PTPRM: variants seen among roughly 807,000 people sequenced by gnomAD.
PTPRM encodes protein tyrosine phosphatase receptor type M.
In PTPRM, 47 loss-of-function variants were observed where a neutral mutation model predicts 186.7. The ratio of observed to expected loss-of-function variants is 0.25; its 90% CI spans 0.20 to 0.32. The LOEUF is 0.32. Among genes scored for constraint, PTPRM ranks in the 10% least tolerant of loss-of-function variants. The pLI is 1.00. For synonymous variants in PTPRM, 668 were observed against 674.9 expected (o/e 0.99, Z 0.16); for missense variants, 1,494 against 1,865.0 (o/e 0.80, Z 3.66).
rs573256599 is a variant in PTPRM, at chr18:7,788,916, A to T, written c.196+14645A>T. 3.3e-5 allele frequency among the ~76,000 whole-genome samples: 5 copies of T among 152,334 alleles called. No individual in the cohort carries two copies. In the South Asian group the frequency reaches 1.0e-3, roughly 32 times the overall value. On this transcript the variant is annotated intron_variant, in intron 2 of 32. Coordinates refer to ENST00000580170, the MANE Select transcript of PTPRM (RefSeq NM_001105244.2). ...TATAGATAGTTAATATTTAAGCTTC[A>T]GGAAGGAGACCTAAGTGGGTGACCT...
At chr18:8,134,454 C>A (rs189276146) in intron 13 of PTPRM, among the ~76,000 whole-genome samples, 1 of 152,072 alleles carries the variant, frequency 6.6e-6, no homozygotes, top group African/African-American at 2.4e-5. Flanking sequence ...GATAAATGAC[C>A]CTAGTTCCTT....
intron 7 of PTPRM, among the ~76,000 whole-genome samples, chr18:8,014,688 G>T (rs561995939): frequency 2.6e-5 from 4 of 152,284 alleles, no homozygotes; most frequent in Non-Finnish European, 4.4e-5. Flanking sequence ...AAATTAACAA[G>T]AATAAATTAA....
chr18:8,022,998 G>A lies in PTPRM; in HGVS notation c.1133-46688G>A, dbSNP rs1291178462. 3.9e-5 allele frequency among the ~76,000 whole-genome samples: 6 copies of A among 152,128 alleles called. No homozygotes were observed. In the East Asian group the frequency reaches 5.8e-4, roughly 15 times the overall value. On this transcript the variant is annotated intron_variant, in intron 7 of 32. Transcript: ENST00000580170. ...GGTATCATCAATCTGATGTAGAAAC[G>A]TCCTCTTTATTCAGTCACCCGGTGG...
At chr18:7,746,053 A>G (rs1391306541) in intron 1 of PTPRM, among the ~76,000 whole-genome samples, 1 of 152,180 alleles carries the variant, frequency 6.6e-6, no homozygotes, top group Non-Finnish European at 1.5e-5. Flanking sequence ...AAAAGAGGAG[A>G]GAATAGGGGG....
chr18:8,005,747 A>C (rs1263418199), intron 7 of PTPRM, among the ~76,000 whole-genome samples: 1 of 152,120 alleles, frequency 6.6e-6, no homozygotes, highest in Non-Finnish European at 1.5e-5. Context: ...CTCTGATTAC[A>C]GTTCTCAAAG....
intron 2 of PTPRM, 47 bp downstream of exon 2, chr18:7,774,318 C>G: frequency 5.0e-6 from 8 of 1,593,562 alleles, no homozygotes; most frequent in Non-Finnish European, 6.9e-6. Flanking sequence ...ACACAAGAGT[C>G]TCAATCATAC....
chr18:8,376,704 A>T, intron 26 of PTPRM, 107 bp downstream of exon 26: 1 of 1,335,684 alleles, frequency 7.5e-7, no homozygotes, highest in Non-Finnish European at 1.0e-6. Context: ...TATCTGTTCA[A>T]GTGATCTACC....
chr18:7,583,049 C>T (rs1382306821), intron 1 of PTPRM, among the ~76,000 whole-genome samples: 1 of 152,224 alleles, frequency 6.6e-6, no homozygotes, highest in African/African-American at 2.4e-5. Flanking sequence ...AGAATAGCTG[C>T]TGTTATTGTT....
intron 19 of PTPRM, among the ~76,000 whole-genome samples, chr18:8,284,280 G>C (rs962309845): frequency 8.5e-5 from 13 of 152,130 alleles, no homozygotes; most frequent in Non-Finnish European, 1.8e-4. Flanking sequence ...AAACCTTGTA[G>C]TTCTAAATAA....
intron 19 of PTPRM, among the ~76,000 whole-genome samples, chr18:8,255,580 T>C (rs2094566825): frequency 6.6e-6 from 1 of 152,042 alleles, no homozygotes; most frequent in South Asian, 2.1e-4. Flanking sequence ...CAGAGAGGAC[T>C]GCCAAAAAGT....
rs572680953 is a variant in PTPRM, at chr18:7,746,462, CT to C, written c.74-27677del. Among the ~76,000 whole-genome samples, 760 of 148,886 alleles carry C rather than the reference CT, an allele frequency of 5.1e-3. 4 individuals are homozygous for C. The highest frequency in any genetic ancestry group is 9.3e-3 in the South Asian group (43 of 4,610). On this transcript the variant is annotated intron_variant, in intron 1 of 32. Coordinates refer to ENST00000580170, the MANE Select transcript of PTPRM (RefSeq NM_001105244.2). Reference sequence around the variant, plus strand: ...TAAATTTTTGTCAACCTAGTAAATTCTTTTTTTTTTCTTTTTTTCTTGAGAA... The same window carrying C: ...TAAATTTTTGTCAACCTAGTAAATTCTTTTTTTTTCTTTTTTTCTTGAGAA...
At chr18:8,366,487 G>A (rs2095630151) in intron 23 of PTPRM, among the ~76,000 whole-genome samples, 1 of 152,234 alleles carries the variant, frequency 6.6e-6, no homozygotes, top group Admixed American at 6.5e-5. Context: ...TTACAGTCAT[G>A]TGCTGGCAGC....
At chr18:7,946,707 A>C (rs964746811) in intron 5 of PTPRM, among the ~76,000 whole-genome samples, 1 of 152,220 alleles carries the variant, frequency 6.6e-6, no homozygotes, top group Non-Finnish European at 1.5e-5. Flanking sequence ...AAACACACAC[A>C]GACTTATGTG....
intron 2 of PTPRM, among the ~76,000 whole-genome samples, chr18:7,797,802 G>A (rs1416434131): frequency 6.6e-6 from 1 of 152,168 alleles, no homozygotes; most frequent in African/African-American, 2.4e-5. Flanking sequence ...GCAATCTAGT[G>A]TGTTCTTTAG....
intron 19 of PTPRM, among the ~76,000 whole-genome samples, chr18:8,279,769 G>A (rs2094880381): frequency 6.6e-6 from 1 of 152,192 alleles, no homozygotes; most frequent in African/African-American, 2.4e-5. Context: ...CTCTCAGCCT[G>A]CCGAGGGAGA....
At chr18:8,334,410 G>A (rs1334131161) in intron 22 of PTPRM, among the ~76,000 whole-genome samples, 1 of 152,136 alleles carries the variant, frequency 6.6e-6, no homozygotes, top group Non-Finnish European at 1.5e-5. Flanking sequence ...TGGAGCCCAC[G>A]CTGGCCCTGC....
chr18:7,949,235 C>T lies in PTPRM; in HGVS notation c.718C>T (p.Arg240Cys), dbSNP rs1599682157. 1.2e-6 allele frequency: 2 copies of T among 1,611,668 alleles called. No individual in the cohort carries two copies. Among genetic ancestry groups the T allele is most frequent in the East Asian group, 2.2e-5 (1 of 44,876 alleles). ...GGAAATCAAGGTGACCAGCTCCCGA[C>T]GCTTCATTGCTTCATTTAATGTTGT... ...LKEIKVTSSRRFIASFNVVNT... is the reference protein window; with the variant it reads ...LKEIKVTSSRCFIASFNVVNT... The change falls in exon 6 of 33, where the codon CGC (arginine) becomes TGC (cysteine). Residue 240 changes from arginine (R) to cysteine (C), a missense_variant. Physicochemically the swap from Arg to Cys is radical, Grantham distance 180. Transcript: ENST00000580170.
chr18:8,117,312 CTTAA>C lies in PTPRM; in HGVS notation c.2167+2488_2167+2491del, dbSNP rs1338914614. 5.3e-5 allele frequency among the ~76,000 whole-genome samples: 8 copies of C among 152,118 alleles called. No individual in the cohort carries two copies. The East Asian group carries it at 1.3e-3, about 26-fold the overall frequency. On this transcript the variant is annotated intron_variant, in intron 13 of 32. Coordinates refer to ENST00000580170, the MANE Select transcript of PTPRM (RefSeq NM_001105244.2). ...CCACATACTGCTCACAGTGCGATGG[CTTAA>C]TTGAGTTTTCAGATACAGAATTGCT...
intron 30 of PTPRM, among the ~76,000 whole-genome samples, chr18:8,385,308 T>C (rs2095764934): frequency 6.6e-6 from 1 of 152,222 alleles, no homozygotes; most frequent in Non-Finnish European, 1.5e-5. Flanking sequence ...CAAAGAATTA[T>C]TGTCAGAAAT....
Sources: gnomAD v4.1 joint callset for allele counts (sites outside exome capture counted in the v4.1 genomes callset) on GRCh38, gnomAD v4.1.1 for gene constraint, MANE v1.5 for transcripts, NCBI Gene and HGNC (gene_info 2026-07-23, HGNC 2026-07-21) for gene names.